The following NBEA variants were observed in gnomAD, a reference collection of about 807,000 sequenced individuals.
The protein encoded by NBEA is lysosomal-trafficking regulator 2.
NBEA carries 44 observed loss-of-function variants against 343.4 expected under a neutral mutation model. The observed-to-expected ratio is 0.13, with a 90% CI of 0.10 to 0.16. The LOEUF is 0.16. Among genes scored for constraint, NBEA ranks in the 10% least tolerant of loss-of-function variants. NBEA has a pLI of 1.00. For synonymous variants in NBEA, 1,175 were observed against 1,238.7 expected (o/e 0.95, Z 1.08); for missense variants, 2,555 against 3,631.3 (o/e 0.70, Z 7.62).
rs189739678 is a variant in NBEA at position 34,942,512 on chromosome 13, G to A, written c.-309G>A. On this transcript the variant is annotated 5_prime_UTR_variant, in exon 1 of 59. Transcript: ENST00000379939. Reference sequence around the variant, plus strand: ...CCGGACAGACCGGGAGAGGGAGAGAGCAGAGGCAGCGGCGGCGGCAGCGGC... The same window carrying A: ...CCGGACAGACCGGGAGAGGGAGAGAACAGAGGCAGCGGCGGCGGCAGCGGC... 2,332 of 195,452 alleles carry A rather than the reference G, an allele frequency of 0.012. 55 individuals are homozygous for A. The highest frequency in any genetic ancestry group is 0.053 in the African/African-American group (2,241 of 42,676). 12.1% of individuals were successfully genotyped at this position (195,452 alleles called of 1,614,324 possible). A position where few individuals can be genotyped will look rare whatever the true frequency, so the allele number is the denominator to read the frequency against.
chr13:35,525,383 C>G (rs1354052735), intron 41 of NBEA, among the ~76,000 whole-genome samples: 1 of 152,112 alleles, frequency 6.6e-6, no homozygotes, highest in African/African-American at 2.4e-5. Context: ...AAAACCCCAT[C>G]TCCACTAAAA....
chr13:35,062,924 G>T (rs1593227665), intron 8 of NBEA, among the ~76,000 whole-genome samples: 1 of 151,898 alleles, frequency 6.6e-6, no homozygotes, highest in Non-Finnish European at 1.5e-5. Context: ...AAAAGTTGCT[G>T]TATTTTACAA....
At position 35,502,242 on chromosome 13, in the gene NBEA, T is replaced by A. The variant is rs528514798; in HGVS notation, c.6585+29706T>A. Among the ~76,000 whole-genome samples the A allele has an allele frequency of 2.6e-5, 4 of 152,234 alleles. No individual in the cohort carries two copies. In the South Asian group the frequency reaches 6.2e-4, roughly 24 times the overall value. On this transcript the variant is annotated intron_variant, in intron 41 of 58. Coordinates refer to ENST00000379939, the MANE Select transcript of NBEA (RefSeq NM_001385012.1). ...TTTGAAAACATCATGCTATAAAAAATTTTTGTTTATTTTCTTTCCAAAGAA... is the reference window on the plus strand; with the variant it reads ...TTTGAAAACATCATGCTATAAAAAAATTTTGTTTATTTTCTTTCCAAAGAA...
intron 17 of NBEA, among the ~76,000 whole-genome samples, chr13:35,137,428 C>A (rs1436330014): frequency 6.7e-6 from 1 of 149,394 alleles, no homozygotes; most frequent in South Asian, 2.1e-4. Context: ...CCAGCCTGGG[C>A]GACTGAGCAA....
chr13:35,661,302 C>G (rs1159491624), intron 55 of NBEA, among the ~76,000 whole-genome samples: 1 of 152,154 alleles, frequency 6.6e-6, no homozygotes, highest in African/African-American at 2.4e-5. Flanking sequence ...CAGTAATGTA[C>G]TGTGACCTAG....
Position 35,110,840 on chromosome 13 carries a change from G to T in NBEA, c.1864G>T (p.Ala622Ser), listed in dbSNP as rs756183902. The stretch of plus-strand genomic sequence containing the variant: ...GCTTTCCCTATACACATATTTGTCT[G>T]CTGAATTTATTGGAACTGCTACCAT... ...VQLSLYTYLSAEFIGTATIYT... is the reference protein window; with the variant it reads ...VQLSLYTYLSSEFIGTATIYT... Residue 622 changes from alanine (A) to serine (S), a missense_variant, in exon 13 of 59, where the codon GCT becomes TCT. By Grantham distance (99) the Ala-to-Ser change is moderately conservative. This residue lies in a region of NBEA where 360 missense variants were observed against 519.1 expected (regional missense o/e 0.69). Transcript: ENST00000379939. The T allele has an allele frequency of 1.2e-6, 2 of 1,611,772 alleles. No individual in the cohort carries two copies. Among genetic ancestry groups the T allele is most frequent in the Non-Finnish European group, 1.7e-6 (2 of 1,178,518 alleles).
chr13:34,991,442 G>A (rs554006600), intron 1 of NBEA, among the ~76,000 whole-genome samples: 1 of 152,284 alleles, frequency 6.6e-6, no homozygotes, highest in South Asian at 2.1e-4. Flanking sequence ...TGGCAGAGCA[G>A]GAGAGAGGGA....
intron 8 of NBEA, among the ~76,000 whole-genome samples, chr13:35,067,383 A>G (rs117837328): frequency 0.026 from 3,938 of 152,246 alleles, 68 homozygotes; most frequent in Non-Finnish European, 0.038. Flanking sequence ...TTTGAGTGTA[A>G]TTAGTACAAA....
chr13:35,022,255 C>T (rs375809689), intron 1 of NBEA, among the ~76,000 whole-genome samples: 2 of 151,934 alleles, frequency 1.3e-5, no homozygotes, highest in African/African-American at 4.8e-5. Flanking sequence ...TGAAAAATTG[C>T]GTGTTGCTTT....
At chr13:35,467,981 A>G (rs1182804940) in intron 40 of NBEA, among the ~76,000 whole-genome samples, 3 of 151,954 alleles carry the variant, frequency 2.0e-5, no homozygotes, top group Admixed American at 6.6e-5. Flanking sequence ...TTTTTTTTCC[A>G]TACGTAGTCT....
At chr13:35,480,820 G>C (rs1486108424) in intron 41 of NBEA, among the ~76,000 whole-genome samples, 1 of 151,900 alleles carries the variant, frequency 6.6e-6, no homozygotes, top group Non-Finnish European at 1.5e-5. Context: ...AAAATAGAGA[G>C]AGTTTTTCTG....
At chr13:35,140,627 C>T (rs1686955664) in intron 17 of NBEA, among the ~76,000 whole-genome samples, 1 of 152,064 alleles carries the variant, frequency 6.6e-6, no homozygotes, top group African/African-American at 2.4e-5. Flanking sequence ...TTTTCCTTCC[C>T]TGGACTGAGG....
chr13:35,539,654 C>T (rs540863703), intron 41 of NBEA, among the ~76,000 whole-genome samples: 6 of 116,918 alleles, frequency 5.1e-5, no homozygotes, highest in South Asian at 3.3e-4. Context: ...GGGTGGCTCA[C>T]GCCTGTAATA....
intron 45 of NBEA, among the ~76,000 whole-genome samples, chr13:35,569,093 A>G (rs2080274184): frequency 2.0e-5 from 3 of 152,202 alleles, no homozygotes; most frequent in Admixed American, 1.3e-4. Flanking sequence ...ATATGACAAT[A>G]ATAGAGTGGT....
At chr13:35,509,468 G>A (rs192263975) in intron 41 of NBEA, among the ~76,000 whole-genome samples, 196 of 152,204 alleles carry the variant, frequency 1.3e-3, no homozygotes, top group African/African-American at 4.4e-3. Flanking sequence ...CTTTAAGTTC[G>A]TGGGCAAATG....
At chr13:35,009,203 G>A (rs909887409) in intron 1 of NBEA, among the ~76,000 whole-genome samples, 1 of 152,198 alleles carries the variant, frequency 6.6e-6, no homozygotes, top group Non-Finnish European at 1.5e-5. Context: ...AGTACTGGAG[G>A]TATAGTAGTG....
rs77785549 is a variant in NBEA at position 34,948,070 on chromosome 13, G to T, written c.294+4956G>T. On this transcript the variant is annotated intron_variant, in intron 1 of 58. Coordinates refer to ENST00000379939, the MANE Select transcript of NBEA (RefSeq NM_001385012.1). ...AAGAAAATACGTAATGCATTGAAGA[G>T]AAATTGTAGAAAATATTGTTAGCAT... is the stretch of plus-strand genomic sequence containing the variant. Among the ~76,000 whole-genome samples, 47 of 152,304 alleles carry T rather than the reference G, an allele frequency of 3.1e-4. No individual in the cohort carries two copies. The East Asian group carries it at 8.5e-3, about 28-fold the overall frequency.
chr13:35,600,368 C>A (rs1362702405), intron 47 of NBEA, among the ~76,000 whole-genome samples: 1 of 152,156 alleles, frequency 6.6e-6, no homozygotes, highest in African/African-American at 2.4e-5. Flanking sequence ...ACTCAGACTG[C>A]TGTGAGCTAT....
intron 17 of NBEA, among the ~76,000 whole-genome samples, chr13:35,130,971 C>CT: frequency 6.6e-6 from 1 of 151,840 alleles, no homozygotes; most frequent in Non-Finnish European, 1.5e-5. Context: ...GAGATTTGGT[C>CT]TAAATGATAC....
Sources: allele counts gnomAD v4.1 joint callset (sites outside exome capture counted in the v4.1 genomes callset), GRCh38; gene constraint gnomAD v4.1.1; regional missense constraint gnomAD v4.1.1; transcripts MANE v1.5; gene names NCBI Gene and HGNC (gene_info 2026-07-23, HGNC 2026-07-21).